The following HHIPL1 variants were observed in gnomAD, a reference collection of about 807,000 sequenced individuals.
The protein encoded by HHIPL1 is HHIP like 1.
Under a neutral mutation model 61.8 loss-of-function variants are expected in HHIPL1, and 43 were observed. The ratio of observed to expected loss-of-function variants is 0.70; its 90% CI spans 0.55 to 0.90. The LOEUF is 0.90. HHIPL1 is among the 40% of genes least tolerant of loss of function. HHIPL1 has a pLI of 0.00. For synonymous variants in HHIPL1, 482 were observed against 515.8 expected, an observed-to-expected ratio of 0.93 and a Z score of 0.89; for missense variants, 1,056 against 1,157.7, an observed-to-expected ratio of 0.91 and a Z score of 1.28.
chr14:99,656,809 A>G (rs2056039308), intron 2 of HHIPL1, among the ~76,000 whole-genome samples, 191 bp from the exon 3 acceptor site: 1 of 2,634 alleles, frequency 3.8e-4, no homozygotes, highest in Non-Finnish European at 5.6e-3. Flanking sequence ...GAAAGAAAGA[A>G]AGAAAGAAAG....
At chr14:99,654,301 G>T (rs887633288) in intron 2 of HHIPL1, among the ~76,000 whole-genome samples, 1 of 152,190 alleles carries the variant, frequency 6.6e-6, no homozygotes, top group Non-Finnish European at 1.5e-5. Context: ...GGAGGACAAA[G>T]TGAGAAGATG....
rs983581800 is a variant in HHIPL1 at position 99,675,681 on chromosome 14, G to A, written c.*55G>A. 4 of 1,439,032 alleles carry A rather than the reference G, an allele frequency of 2.8e-6. No homozygotes were observed. Among genetic ancestry groups the A allele is most frequent in the Middle Eastern group, 2.2e-4 (1 of 4,566 alleles). The allele number at this position is 1,439,032 out of a possible 1,614,324, so 89.1% of individuals were successfully genotyped here. Reference sequence around the variant, plus strand: ...CCGGCGGGGGAGCCTGGCAGGGGCCGCTCCGCCCTGTGTGCGCCCAGCGGG... The same window carrying A: ...CCGGCGGGGGAGCCTGGCAGGGGCCACTCCGCCCTGTGTGCGCCCAGCGGG... On this transcript the variant is annotated 3_prime_UTR_variant, in exon 9 of 9. Transcript: ENST00000330710. This position sits in a 1 kb window ranked among gnomAD's most constrained non-coding sequence, Gnocchi z 5.4.
In HHIPL1 at chr14:99,675,449, C is replaced by A. The variant is rs1431402413; in HGVS notation, c.2172C>A (p.Ala724=). The A allele has an allele frequency of 1.3e-6, 2 of 1,538,926 alleles. No homozygotes were observed. The highest frequency in any genetic ancestry group is 8.7e-7 in the Non-Finnish European group (1 of 1,145,874). ...TGGGGTTTGCCTACGCCGTGCGCGC[C>A]GTCAAGAGAGCCGAGTTCGGCCAGG... The part of the protein sequence containing the change: ...RQLGFAYAVR[A]VKRAEFGQGG... Residue 724 remains alanine, a synonymous_variant, in exon 9 of 9, where the codon GCC becomes GCA. Transcript: ENST00000330710. The surrounding 1 kb of genome is among the most constrained non-coding windows in gnomAD (Gnocchi z 5.4).
chr14:99,653,926 C>T (rs906422335), intron 2 of HHIPL1, among the ~76,000 whole-genome samples: 20 of 152,182 alleles, frequency 1.3e-4, no homozygotes, highest in African/African-American at 3.6e-4. Flanking sequence ...CAGTGGCTCA[C>T]GCCAGTAATC....
chr14:99,633,888 C>A, the HHIPL1 span, among the ~76,000 whole-genome samples: 1 of 152,264 alleles, frequency 6.6e-6, no homozygotes, highest in Non-Finnish European at 1.5e-5. Context: ...TGCCCTCTCT[C>A]CCCCGTGTCC....
chr14:99,617,470 A>C, the HHIPL1 span, among the ~76,000 whole-genome samples: 19 of 152,278 alleles, frequency 1.2e-4, no homozygotes, highest in African/African-American at 4.6e-4. Context: ...AAATGTGGAG[A>C]CTGCAAAGCC....
the HHIPL1 span, among the ~76,000 whole-genome samples, chr14:99,633,892 C>T: frequency 2.1e-3 from 318 of 152,370 alleles, 2 homozygotes; most frequent in African/African-American, 7.2e-3. Flanking sequence ...CTCTCTCCCC[C>T]GTGTCCGGGA....
chr14:99,645,239 CGCTTTGGGT>C lies in HHIPL1; in HGVS notation c.36_44del (p.Trp13_Leu15del). On this transcript the variant is annotated inframe_deletion, in exon 1 of 9. Coordinates refer to ENST00000330710, the MANE Select transcript of HHIPL1 (RefSeq NM_001127258.3). ...CGGGCCAGGGCCGGGGCGCTGCTGGCGCTTTGGGTGCTCGGGGCCGCCGCGCATCCGCAG... is the reference window on the plus strand; with the variant it reads ...CGGGCCAGGGCCGGGGCGCTGCTGGCGCTCGGGGCCGCCGCGCATCCGCAG... 1 of 1,352,146 alleles carries C rather than the reference CGCTTTGGGT, an allele frequency of 7.4e-7. No individual in the cohort carries two copies. The highest frequency in any genetic ancestry group is 9.5e-7 in the Non-Finnish European group (1 of 1,055,872). 83.8% of individuals were successfully genotyped at this position (1,352,146 alleles called of 1,614,324 possible).
At chr14:99,605,908 G>A in the HHIPL1 span, among the ~76,000 whole-genome samples, 1 of 152,190 alleles carries the variant, frequency 6.6e-6, no homozygotes, top group Non-Finnish European at 1.5e-5. Context: ...CAGGGAAGAG[G>A]CGTGAGAGCT....
Position 99,659,690 on chromosome 14 carries a change from T to A in HHIPL1, c.1309T>A (p.Tyr437Asn). The A allele has an allele frequency of 6.6e-7, 1 of 1,509,150 alleles. No homozygotes were observed. Among genetic ancestry groups the A allele is most frequent in the Non-Finnish European group, 8.8e-7 (1 of 1,134,092 alleles). 93.5% of individuals were successfully genotyped at this position (1,509,150 alleles called of 1,614,324 possible). Residue 437 changes from tyrosine (Y) to asparagine (N), a missense_variant, in exon 4 of 9, where the codon TAT (tyrosine) becomes AAT (asparagine). Tyr to Asn is a moderately radical substitution (Grantham distance 143, BLOSUM62 -2). Transcript: ENST00000330710. ...GGACGTGGTGGAGCGCGGCGGCAAC[T>A]ATGGCTGGCGCGCGCGCGAAGGGTT... ...EVDVVERGGN[Y>N]GWRAREGFEC...
At chr14:99,635,588 G>A in the HHIPL1 span, among the ~76,000 whole-genome samples, 1 of 152,102 alleles carries the variant, frequency 6.6e-6, no homozygotes, top group Non-Finnish European at 1.5e-5. Flanking sequence ...TAGTTCTGTG[G>A]TTAGCAAGAG....
chr14:99,672,766 T>C (rs1049644563), intron 8 of HHIPL1, among the ~76,000 whole-genome samples: 1 of 152,122 alleles, frequency 6.6e-6, no homozygotes, highest in African/African-American at 2.4e-5. Flanking sequence ...TCATAGATTG[T>C]TGACAAGCCT....
At chr14:99,672,092 C>T (rs1320156070) in intron 7 of HHIPL1, among the ~76,000 whole-genome samples, 1 of 152,208 alleles carries the variant, frequency 6.6e-6, no homozygotes, top group Non-Finnish European at 1.5e-5. Context: ...CCAGCAGAGG[C>T]TGAGCGTGCA....
At chr14:99,634,154 T>G in the HHIPL1 span, among the ~76,000 whole-genome samples, 1 of 152,154 alleles carries the variant, frequency 6.6e-6, no homozygotes, top group African/African-American at 2.4e-5. Context: ...GCTCAGAGTG[T>G]GTAGACATGT....
chr14:99,631,048 T>TTTTTC, the HHIPL1 span, among the ~76,000 whole-genome samples: 3 of 120,430 alleles, frequency 2.5e-5, no homozygotes, highest in South Asian at 8.4e-4. Context: ...AGTGGCTCCA[T>TTTTTC]TTTCTTTCTT....
chr14:99,652,337 G>A lies in HHIPL1; in HGVS notation c.369G>A (p.Arg123=), dbSNP rs1409833184. The change falls in exon 2 of 9, where the codon CGG becomes CGA. Residue 123 remains arginine, a synonymous_variant. Coordinates refer to ENST00000330710, the MANE Select transcript of HHIPL1 (RefSeq NM_001127258.3). ...GCCTGGACATGTGGCATAAGTGCCG[G>A]GGGCTGTTCCGTCACCTGTCAACTG... ...DYCLDMWHKC[R]GLFRHLSTDQ... 3 of 1,614,182 alleles carry A rather than the reference G, an allele frequency of 1.9e-6. No homozygotes were observed. The highest frequency in any genetic ancestry group is 1.7e-6 in the Non-Finnish European group (2 of 1,180,040).
the HHIPL1 span, among the ~76,000 whole-genome samples, chr14:99,637,201 G>GAAGAAAGAAAGAAAGAAAGAAAGA: frequency 2.3e-5 from 2 of 87,262 alleles, no homozygotes; most frequent in Non-Finnish European, 4.6e-5. Context: ...AGAAAGAAAG[G>GAAGAAAGAAAGAAAGAAAGAAAGA]AAGAAAGAAA....
At chr14:99,626,470 A>G in the HHIPL1 span, among the ~76,000 whole-genome samples, 1 of 152,086 alleles carries the variant, frequency 6.6e-6, no homozygotes, top group African/African-American at 2.4e-5. Context: ...GACACGGCCC[A>G]TCCAGCTACC....
At chr14:99,658,129 T>C (rs572270971) in intron 3 of HHIPL1, among the ~76,000 whole-genome samples, 2 of 152,366 alleles carry the variant, frequency 1.3e-5, no homozygotes, top group African/African-American at 4.8e-5. Context: ...TCACAATTTG[T>C]GAGTTGTCCT....
Sources: gnomAD v4.1 joint callset for allele counts (sites outside exome capture counted in the v4.1 genomes callset) on GRCh38, gnomAD v4.1.1 for gene constraint, Gnocchi (gnomAD v3.1) non-coding constraint, MANE v1.5 for transcripts, NCBI Gene and HGNC (gene_info 2026-07-23, HGNC 2026-07-21) for gene names.